CENPP: variants seen among roughly 807,000 people sequenced by gnomAD.
The protein encoded by CENPP is centromere protein P.
CENPP carries 24 observed loss-of-function variants against 35.6 expected under a neutral mutation model. The observed-to-expected ratio is 0.67, with a 90% confidence interval of 0.49 to 0.95. The LOEUF (loss-of-function observed/expected upper bound fraction) is 0.95. Ranked by LOEUF, CENPP falls within the 40% of genes least tolerant of loss-of-function variation. The probability of loss-of-function intolerance (pLI) is 0.00; values close to 1 mark genes in which losing one functional copy is unlikely to be tolerated. For missense variants in CENPP, 332 were observed against 345.3 expected (o/e 0.96, Z 0.31); for synonymous variants, 120 against 125.5 (o/e 0.96, Z 0.29).
chr9:92,558,540 G>T (rs577911187), intron 5 of CENPP, among the ~76,000 whole-genome samples: 1 of 152,314 alleles, frequency 6.6e-6, no homozygotes, highest in Non-Finnish European at 1.5e-5. Flanking sequence ...TCTGGTGGAG[G>T]TGGCAGAGGG....
chr9:92,392,813 A>T (rs1378105561), intron 5 of CENPP, among the ~76,000 whole-genome samples: 1 of 152,150 alleles, frequency 6.6e-6, no homozygotes, highest in East Asian at 1.9e-4. Flanking sequence ...GGGATCTTGA[A>T]GTATTGGAGT....
chr9:92,534,822 G>T (rs757156955), intron 5 of CENPP, among the ~76,000 whole-genome samples: 55 of 152,182 alleles, frequency 3.6e-4, no homozygotes, highest in Admixed American at 6.5e-5. Context: ...GCTCTGCAAT[G>T]CATGAAATGT....
At chr9:92,330,800 T>A (rs1840721508) in intron 1 of CENPP, among the ~76,000 whole-genome samples, 1 of 151,094 alleles carries the variant, frequency 6.6e-6, no homozygotes, top group Non-Finnish European at 1.5e-5. Flanking sequence ...GCAATTCTCC[T>A]GCCTCAGCCT....
intron 5 of CENPP, among the ~76,000 whole-genome samples, chr9:92,461,680 G>A (rs1484280121): frequency 1.3e-5 from 2 of 152,112 alleles, no homozygotes; most frequent in African/African-American, 4.8e-5. Context: ...CACGATTGTT[G>A]CCTAGATCCA....
chr9:92,470,455 A>G (rs931416803), intron 5 of CENPP, among the ~76,000 whole-genome samples: 3 of 152,234 alleles, frequency 2.0e-5, no homozygotes, highest in Non-Finnish European at 2.9e-5. Context: ...TACATTTTAC[A>G]TGGCTATTAT....
chr9:92,417,440 T>C (rs1170891004), intron 5 of CENPP: 1 of 1,613,978 alleles, frequency 6.2e-7, no homozygotes, highest in Non-Finnish European at 8.5e-7. Flanking sequence ...GAATCCTGTT[T>C]GGTAATCATC....
chr9:92,456,226 T>G (rs1185572087), intron 5 of CENPP: 1 of 152,252 alleles, frequency 6.6e-6, no homozygotes, highest in Non-Finnish European at 1.5e-5. Flanking sequence ...ACCAATATTT[T>G]TAATGAAAAT....
At chr9:92,440,718 T>A (rs1241265840) in intron 5 of CENPP, among the ~76,000 whole-genome samples, 1 of 152,188 alleles carries the variant, frequency 6.6e-6, no homozygotes, top group African/African-American at 2.4e-5. Context: ...AGTATTTAGT[T>A]AAGAGGGAAA....
intron 5 of CENPP, among the ~76,000 whole-genome samples, chr9:92,580,922 T>C (rs1348508336): frequency 6.6e-6 from 1 of 152,248 alleles, no homozygotes; most frequent in African/African-American, 2.4e-5. Context: ...CTTTCCTGCT[T>C]TCTCTTGTGG....
chr9:92,503,425 A>G (rs1051009715), intron 5 of CENPP, among the ~76,000 whole-genome samples: 13 of 152,162 alleles, frequency 8.5e-5, no homozygotes, highest in African/African-American at 2.9e-4. Flanking sequence ...CCTGTTTCCT[A>G]CTATTTCATG....
intron 5 of CENPP, chr9:92,460,467 C>T (rs373048043): frequency 2.6e-5 from 40 of 1,563,282 alleles, no homozygotes; most frequent in Non-Finnish European, 2.9e-5. Flanking sequence ...ATTTTGGGAA[C>T]GTTTACCTTT....
intron 5 of CENPP, among the ~76,000 whole-genome samples, chr9:92,520,012 TGGC>T (rs1847961591): frequency 2.1e-5 from 2 of 94,080 alleles, no homozygotes; most frequent in African/African-American, 7.1e-5. Flanking sequence ...CCCAATACAG[TGGC>T]TCTCGCTTGT....
At chr9:92,545,038 G>A (rs1034136921) in intron 5 of CENPP, among the ~76,000 whole-genome samples, 1 of 152,172 alleles carries the variant, frequency 6.6e-6, no homozygotes, top group Non-Finnish European at 1.5e-5. Flanking sequence ...AATTCTTAAA[G>A]CATTTAAAAG....
intron 5 of CENPP, among the ~76,000 whole-genome samples, chr9:92,396,843 A>G (rs923580540): frequency 1.3e-5 from 2 of 152,074 alleles, no homozygotes; most frequent in Admixed American, 6.6e-5. Flanking sequence ...AACATCTTTT[A>G]TATCTATTTC....
rs1176766190 is a variant in CENPP at position 92,567,403 on chromosome 9, T to TAGATAGATAGATAGATAG, written c.565-43910_565-43909insGATAGATAGATAGATAGA. 8.3e-4 allele frequency among the ~76,000 whole-genome samples: 115 copies of TAGATAGATAGATAGATAG among 138,608 alleles called. 1 individual carries two copies. Among genetic ancestry groups the TAGATAGATAGATAGATAG allele is most frequent in the South Asian group, 5.4e-3 (24 of 4,454 alleles). 90.9% of individuals were successfully genotyped at this position (138,608 alleles called of 152,430 possible). A position where few individuals can be genotyped will look rare whatever the true frequency, so the allele number is the denominator to read the frequency against. On this transcript the variant is annotated intron_variant, in intron 5 of 7. Coordinates refer to ENST00000375587, the MANE Select transcript of CENPP (RefSeq NM_001012267.3). ...ATATATATATATATATATAGATATA[T>TAGATAGATAGATAGATAG]ATATAAAGTGGTTAGTGATTAGATT...
In CENPP at chr9:92,498,454, T is replaced by A. The variant is rs987821499; in HGVS notation, c.565-112860T>A. ...CCCTAAAAGTATAGTAAAAAGAAAATATATATATATTAAAAAAAGACAATC... is the reference window on the plus strand; with the variant it reads ...CCCTAAAAGTATAGTAAAAAGAAAAAATATATATATTAAAAAAAGACAATC... On this transcript the variant is annotated intron_variant, in intron 5 of 7. Transcript: ENST00000375587. 9.3e-5 allele frequency among the ~76,000 whole-genome samples: 14 copies of A among 151,320 alleles called. 1 individual carries two copies. Among genetic ancestry groups the A allele is most frequent in the Non-Finnish European group, 4.4e-5 (3 of 67,824 alleles).
At chr9:92,406,779 A>G (rs751698964) in intron 5 of CENPP, among the ~76,000 whole-genome samples, 9 of 152,246 alleles carry the variant, frequency 5.9e-5, no homozygotes, top group East Asian at 1.9e-4. Context: ...GGCCTCCCTC[A>G]GTTCCTTGCC....
At chr9:92,611,420 C>T in intron 6 of CENPP, 27 bp downstream of exon 6, 1 of 1,580,124 alleles carries the variant, frequency 6.3e-7, no homozygotes, top group South Asian at 1.1e-5. Context: ...CATGGGGCCT[C>T]CCATTTCCTG....
chr9:92,495,609 T>C, intron 5 of CENPP: 2 of 961,594 alleles, frequency 2.1e-6, no homozygotes, highest in African/African-American at 3.5e-5. Context: ...TGTTTAACTT[T>C]AAAAAATAAT....
Sources: gnomAD v4.1 joint callset for allele counts (sites outside exome capture counted in the v4.1 genomes callset) on GRCh38, gnomAD v4.1.1 for gene constraint, MANE v1.5 for transcripts, NCBI Gene and HGNC (gene_info 2026-07-23, HGNC 2026-07-21) for gene names.